RRAS2: variants seen among roughly 807,000 people sequenced by gnomAD.
RRAS2 encodes the protein ras-related protein R-Ras2.
RRAS2 carries 7 observed loss-of-function variants against 27.6 expected under a neutral mutation model. That is an observed-to-expected ratio of 0.25 (90% CI 0.14 to 0.48). The LOEUF (loss-of-function observed/expected upper bound fraction) is 0.48. RRAS2 is among the 20% of genes least tolerant of loss of function. The pLI is 0.99. For missense variants in RRAS2, 178 were observed against 256.2 expected (o/e 0.69, Z 2.08); for synonymous variants, 86 against 90.9 (o/e 0.95, Z 0.31).
intron 4 of RRAS2, among the ~76,000 whole-genome samples, chr11:14,285,243 T>C (rs1554944889): frequency 6.6e-6 from 1 of 152,204 alleles, no homozygotes; most frequent in Admixed American, 6.5e-5. Flanking sequence ...CCAATTCAAG[T>C]ATGGTTTAAG....
In RRAS2 at chr11:14,348,391, A is replaced by G. The variant is rs1848882683; in HGVS notation, c.108+10372T>C. Among the ~76,000 whole-genome samples the G allele has an allele frequency of 2.6e-5, 4 of 152,194 alleles. No individual in the cohort carries two copies. In the South Asian group the frequency reaches 8.3e-4, roughly 32 times the overall value. ...TCTCAAACTTTCACATACTAGTTTT[A>G]ACATCCATTTTTACCCACTTAGTTT... is the stretch of plus-strand genomic sequence containing the variant. On this transcript the variant is annotated intron_variant, in intron 1 of 5. Coordinates refer to ENST00000256196, the MANE Select transcript of RRAS2 (RefSeq NM_012250.6).
chr11:14,291,316 T>G (rs1448812970), intron 4 of RRAS2, among the ~76,000 whole-genome samples: 2 of 152,070 alleles, frequency 1.3e-5, no homozygotes, highest in Non-Finnish European at 2.9e-5. Flanking sequence ...CCCATAAAGA[T>G]TAGTGGTCAT....
intron 4 of RRAS2, among the ~76,000 whole-genome samples, chr11:14,292,904 G>A (rs1031715902): frequency 1.3e-5 from 2 of 151,472 alleles, no homozygotes; most frequent in Admixed American, 6.6e-5. Context: ...TCAGGAGATC[G>A]AGACCATCCT....
At chr11:14,298,825 T>A (rs79485651) in intron 1 of RRAS2, among the ~76,000 whole-genome samples, 2,044 of 152,278 alleles carry the variant, frequency 0.013, 26 homozygotes, top group Middle Eastern at 0.024. Context: ...AATCCATAGG[T>A]CAGAATATCC....
At chr11:14,339,305 G>GA (rs71041598) in intron 1 of RRAS2, among the ~76,000 whole-genome samples, 1 of 91,270 alleles carries the variant, frequency 1.1e-5, no homozygotes, top group African/African-American at 4.2e-5. Flanking sequence ...GGGGGGGGGG[G>GA]AAGAAAAAAT....
chr11:14,301,425 C>A lies in RRAS2; in HGVS notation c.109-5570G>T, dbSNP rs372245544. ...TTCCAGGTTTTTTTCTCTTTTCCCCCTCCCTCTTTTCTCCCTTCCTCCTTT... is the reference window on the plus strand; with the variant it reads ...TTCCAGGTTTTTTTCTCTTTTCCCCATCCCTCTTTTCTCCCTTCCTCCTTT... On this transcript the variant is annotated intron_variant, in intron 1 of 5. Coordinates refer to ENST00000256196, the MANE Select transcript of RRAS2 (RefSeq NM_012250.6). Among the ~76,000 whole-genome samples, 3 of 152,098 alleles carry A rather than the reference C, an allele frequency of 2.0e-5. No individual in the cohort carries two copies. In the East Asian group the frequency reaches 5.8e-4, roughly 29 times the overall value.
intron 2 of RRAS2, among the ~76,000 whole-genome samples, chr11:14,295,290 T>C (rs1290094544): frequency 3.3e-5 from 5 of 152,220 alleles, no homozygotes; most frequent in Non-Finnish European, 7.3e-5. Flanking sequence ...ATGTAACTTT[T>C]GATCTCTGTA....
chr11:14,323,876 T>C (rs1308938943), intron 1 of RRAS2, among the ~76,000 whole-genome samples: 1 of 151,854 alleles, frequency 6.6e-6, no homozygotes, highest in Non-Finnish European at 1.5e-5. Context: ...GAACAGAATA[T>C]ATAGACTTTT....
intron 4 of RRAS2, among the ~76,000 whole-genome samples, chr11:14,290,619 G>A (rs190093449): frequency 1.1e-3 from 161 of 152,238 alleles, no homozygotes; most frequent in African/African-American, 3.7e-3. Context: ...TACCAACAAA[G>A]GACACTGGGG....
chr11:14,311,654 AC>A (rs1329553932), intron 1 of RRAS2, among the ~76,000 whole-genome samples: 8 of 152,164 alleles, frequency 5.3e-5, no homozygotes, highest in Non-Finnish European at 8.8e-5. Flanking sequence ...GGCACGAGCC[AC>A]TGCGCCTGGC....
chr11:14,309,802 C>T (rs574899928), intron 1 of RRAS2, among the ~76,000 whole-genome samples: 88 of 152,192 alleles, frequency 5.8e-4, no homozygotes, highest in Admixed American at 2.6e-3. Context: ...GGGAGGCAGG[C>T]GGAGACTTGC....
chr11:14,347,125 T>A (rs1320845607), intron 1 of RRAS2, among the ~76,000 whole-genome samples: 1 of 152,200 alleles, frequency 6.6e-6, no homozygotes, highest in Non-Finnish European at 1.5e-5. Context: ...ATCATGCCAC[T>A]GCACTCCCGC....
chr11:14,345,134 G>A (rs919559971), intron 1 of RRAS2, among the ~76,000 whole-genome samples: 50 of 151,906 alleles, frequency 3.3e-4, no homozygotes, highest in African/African-American at 9.9e-4. Context: ...TTATTGGCGC[G>A]TGTCACTATG....
chr11:14,293,117 CA>C (rs1467380343), intron 4 of RRAS2, among the ~76,000 whole-genome samples: 1 of 52,936 alleles, frequency 1.9e-5, no homozygotes, highest in African/African-American at 8.0e-5. Context: ...CAAAACAAAA[CA>C]AAACAAATAT....
intron 1 of RRAS2, among the ~76,000 whole-genome samples, chr11:14,333,509 C>T (rs906715189): frequency 6.6e-6 from 1 of 152,112 alleles, no homozygotes; most frequent in Non-Finnish European, 1.5e-5. Flanking sequence ...TAAAATCATC[C>T]ATAATTCCAC....
At chr11:14,334,088 T>C (rs1475996986) in intron 1 of RRAS2, among the ~76,000 whole-genome samples, 1 of 152,242 alleles carries the variant, frequency 6.6e-6, no homozygotes, top group Non-Finnish European at 1.5e-5. Context: ...AGGAAATTAC[T>C]TCATCAGAAA....
At chr11:14,293,800 G>T (rs115636117) in intron 4 of RRAS2, among the ~76,000 whole-genome samples, 4 of 152,108 alleles carry the variant, frequency 2.6e-5, no homozygotes, top group African/African-American at 9.6e-5. Context: ...ATGAACAGCC[G>T]GCATTAATAT....
intron 1 of RRAS2, among the ~76,000 whole-genome samples, chr11:14,351,894 C>CAAAAAAAA (rs35089298): frequency 1.8e-5 from 2 of 113,342 alleles, no homozygotes; most frequent in Non-Finnish European, 1.8e-5. Flanking sequence ...GACTCCGTCT[C>CAAAAAAAA]AAAAAAAAAA....
chr11:14,290,869 TA>T (rs1337868412), intron 4 of RRAS2, among the ~76,000 whole-genome samples: 1 of 152,212 alleles, frequency 6.6e-6, no homozygotes, highest in African/African-American at 2.4e-5. Context: ...AATGTGAGAT[TA>T]AAAGTTTATG....
Sources: allele counts gnomAD v4.1 joint callset (sites outside exome capture counted in the v4.1 genomes callset), GRCh38; gene constraint gnomAD v4.1.1; transcripts MANE v1.5; gene names NCBI Gene and HGNC (gene_info 2026-07-23, HGNC 2026-07-21).